The following OGG1 variants were observed in gnomAD, a reference collection of about 807,000 sequenced individuals.
OGG1 encodes N-glycosylase/DNA lyase.
OGG1 carries 35 observed loss-of-function variants against 42.3 expected under a neutral mutation model. The observed-to-expected ratio is 0.83, with a 90% CI of 0.63 to 1.10. The LOEUF (loss-of-function observed/expected upper bound fraction) is 1.10. OGG1 is among the 50% of genes least tolerant of loss of function. The pLI, the probability that OGG1 is intolerant of heterozygous loss-of-function variation, is 0.00. For synonymous variants in OGG1, 189 were observed against 179.0 expected, an observed-to-expected ratio of 1.06 and a Z score of -0.44; for missense variants, 484 against 446.7, an observed-to-expected ratio of 1.08 and a Z score of -0.75.
chr3:9,787,448 G>A, intron 3 of OGG1: 1 of 1,445,172 alleles, frequency 6.9e-7, no homozygotes, highest in Non-Finnish European at 9.2e-7. Flanking sequence ...CCTAGTCCAA[G>A]GCCAAGCCCA....
Position 9,763,173 on chromosome 3 carries a change from C to T in OGG1, c.1049-2636C>T, listed in dbSNP as rs200398091. On this transcript the variant is annotated intron_variant, in intron 7 of 7. Transcript: ENST00000302008. ...ATGAGGTAGAGGTGGCCCCCACTCT[C>T]ATAGATGTCATCCAGGGCTACAATG... 1.2e-6 allele frequency: 2 copies of T among 1,614,024 alleles called. No individual in the cohort carries two copies. Among genetic ancestry groups the T allele is most frequent in the East Asian group, 4.5e-5 (2 of 44,876 alleles).
At chr3:9,788,370 C>T (rs374360823), downstream of OGG1, among the ~76,000 whole-genome samples, 8 of 152,040 alleles carry the variant, frequency 5.3e-5, no homozygotes, top group East Asian at 7.7e-4. Flanking sequence ...CTTAGCCTCC[C>T]GAGCAGCTGG....
chr3:9,787,993 C>T (rs938027535), exon 4 of OGG1: 6 of 318,472 alleles, frequency 1.9e-5, no homozygotes, highest in Non-Finnish European at 3.1e-5. Flanking sequence ...CTGGTCAACA[C>T]GGCAATGAAG....
At chr3:9,769,945 G>A (rs1559708497), downstream of OGG1, 1 of 152,272 alleles carries the variant, frequency 6.6e-6, no homozygotes, top group African/African-American at 2.4e-5. Flanking sequence ...TCTTGCTGGA[G>A]CTGGGGCTCG....
In OGG1 at chr3:9,774,815, C is replaced by T. The variant is rs1020028625; in HGVS notation, c.295-6698C>T. Among the ~76,000 whole-genome samples the T allele has an allele frequency of 7.2e-5, 11 of 152,170 alleles. 1 individual carries two copies. The highest frequency in any genetic ancestry group is 5.2e-4 in the Admixed American group (8 of 15,274). On this transcript the variant is annotated intron_variant, in intron 2 of 3. Coordinates refer to the OGG1 transcript ENST00000426518. ...GGTGGGAAAATGATTTGCTAAAGATCCTTTGGAAAGCAATTTGGCAATATG... is the reference window on the plus strand; with the variant it reads ...GGTGGGAAAATGATTTGCTAAAGATTCTTTGGAAAGCAATTTGGCAATATG...
At chr3:9,778,635 T>C (rs1372922993) in intron 2 of OGG1, among the ~76,000 whole-genome samples, 1 of 152,152 alleles carries the variant, frequency 6.6e-6, no homozygotes, top group Non-Finnish European at 1.5e-5. Flanking sequence ...AGACTGAGTT[T>C]ATAGTCTATG....
rs554496020 is a variant in OGG1, at chr3:9,788,110, G to A, written c.*379G>A. ...TAACGGGAGGAAGAAAGGCCTGGAT[G>A]CAGCGCCATGTCATGAGCACATCTG... On this transcript the variant is annotated 3_prime_UTR_variant, in exon 4 of 4. Coordinates refer to the OGG1 transcript ENST00000426518. The A allele has an allele frequency of 1.4e-4, 31 of 217,498 alleles. 1 individual carries two copies. The South Asian group carries it at 2.0e-3, about 14-fold the overall frequency. 13.5% of individuals were successfully genotyped at this position (217,498 alleles called of 1,614,324 possible). A position where few individuals can be genotyped will look rare whatever the true frequency, so the allele number is the denominator to read the frequency against.
chr3:9,773,757 A>G (rs908914171), intron 2 of OGG1, among the ~76,000 whole-genome samples: 1 of 151,986 alleles, frequency 6.6e-6, no homozygotes, highest in African/African-American at 2.4e-5. Flanking sequence ...CAGCGGCGCC[A>G]TCATGGCTCA....
intron 7 of OGG1, among the ~76,000 whole-genome samples, chr3:9,764,230 A>T (rs1227360164): frequency 6.6e-6 from 1 of 152,244 alleles, no homozygotes; most frequent in Admixed American, 6.5e-5. Context: ...TAATGCAGGT[A>T]AGGTGCTTGG....
At chr3:9,787,521 G>A (rs2078644311) in intron 3 of OGG1, 3 of 1,016,184 alleles carry the variant, frequency 3.0e-6, no homozygotes, top group Non-Finnish European at 4.2e-6. Context: ...TCTAGTAAGG[G>A]AGACAGGTCC....
At chr3:9,773,834 A>G (rs1223464755) in intron 2 of OGG1, among the ~76,000 whole-genome samples, 2 of 152,104 alleles carry the variant, frequency 1.3e-5, no homozygotes, top group Non-Finnish European at 2.9e-5. Context: ...CTGGGGCTGC[A>G]GGTGTGTACC....
chr3:9,754,941 GA>G, intron 4 of OGG1, 56 bp downstream of exon 4: 1 of 1,474,412 alleles, frequency 6.8e-7, no homozygotes, highest in Non-Finnish European at 9.3e-7. Context: ...AGGAGAGCAG[GA>G]AATGAGCCAA....
intron 3 of OGG1, among the ~76,000 whole-genome samples, chr3:9,752,577 A>G (rs920584175): frequency 6.6e-6 from 1 of 150,764 alleles, no homozygotes; most frequent in Admixed American, 6.6e-5. Flanking sequence ...ATTGTAGTGA[A>G]TGGGATAGTT....
intron 3 of OGG1, among the ~76,000 whole-genome samples, chr3:9,782,317 T>C (rs1310345776): frequency 2.0e-5 from 3 of 152,224 alleles, no homozygotes; most frequent in African/African-American, 7.2e-5. Flanking sequence ...TTGCTGTTTA[T>C]TGACTGTGTG....
At position 9,782,912 on chromosome 3, in the gene OGG1, C is replaced by G. The variant is rs565458747; in HGVS notation, c.382+1312C>G. Among the ~76,000 whole-genome samples, 7 of 152,282 alleles carry G rather than the reference C, an allele frequency of 4.6e-5. 1 individual carries two copies. Among genetic ancestry groups the G allele is most frequent in the African/African-American group, 1.4e-4 (6 of 41,566 alleles). ...ACTTGTTCGGGTTGCTTCCCTATCT[C>G]TTTACCTAAAGGGTAGCTATTCCAC... On this transcript the variant is annotated intron_variant, in intron 3 of 3. Coordinates refer to the OGG1 transcript ENST00000426518.
intron 3 of OGG1, 62 bp downstream of exon 3, chr3:9,752,011 C>A: frequency 1.3e-6 from 2 of 1,501,892 alleles, no homozygotes; most frequent in Non-Finnish European, 9.2e-7. Context: ...GTTCATTTCT[C>A]CCCTGGTTAC....
At chr3:9,769,290 C>A (rs1388092408), downstream of OGG1, among the ~76,000 whole-genome samples, 1 of 151,954 alleles carries the variant, frequency 6.6e-6, no homozygotes, top group Non-Finnish European at 1.5e-5. Flanking sequence ...CCTACACCCT[C>A]CAGCTCCTCT....
chr3:9,787,326 C>T (rs751889567), intron 3 of OGG1: 1 of 1,612,216 alleles, frequency 6.2e-7, no homozygotes, highest in South Asian at 1.1e-5. Flanking sequence ...AGTAGTGCTT[C>T]CCCAGGGGTG....
chr3:9,784,130 G>A, intron 3 of OGG1: 1 of 1,614,222 alleles, frequency 6.2e-7, no homozygotes, highest in Non-Finnish European at 8.5e-7. Flanking sequence ...GGAGTCCTCT[G>A]CGGGGCGGTC....
Sources: allele counts gnomAD v4.1 joint callset (sites outside exome capture counted in the v4.1 genomes callset), GRCh38; gene constraint gnomAD v4.1.1; transcripts MANE v1.5; gene names NCBI Gene and HGNC (gene_info 2026-07-23, HGNC 2026-07-21).